The following CWF19L2 variants were observed in gnomAD, a reference collection of about 807,000 sequenced individuals.
CWF19L2 encodes the protein CWF19 like cell cycle control factor 2, also known as CWF19-like protein 2.
A neutral mutation model predicts 111.7 loss-of-function variants in CWF19L2; 98 were observed. The ratio of observed to expected loss-of-function variants is 0.88; its 90% CI spans 0.75 to 1.04. The LOEUF is 1.04. Among genes scored for constraint, CWF19L2 ranks in the 50% least tolerant of loss-of-function variants. The pLI, the probability that CWF19L2 is intolerant of heterozygous loss-of-function variation, is 0.00. For synonymous variants in CWF19L2, 351 were observed against 342.9 expected, an observed-to-expected ratio of 1.02 and a Z score of -0.26; for missense variants, 1,101 against 1,051.4, an observed-to-expected ratio of 1.05 and a Z score of -0.65.
intron 10 of CWF19L2, among the ~76,000 whole-genome samples, chr11:107,405,185 G>C (rs1861059853): frequency 6.6e-6 from 1 of 152,118 alleles, no homozygotes. Context: ...CCATAAATAA[G>C]GTTTTATTGG....
intron 17 of CWF19L2, 141 bp from the exon 18 acceptor site, chr11:107,327,194 T>C (rs1859774581): frequency 1.2e-6 from 1 of 864,526 alleles, no homozygotes. Context: ...TAGTTGAAGT[T>C]AAAAAAATAT....
chr11:107,397,510 C>T (rs183105604), intron 10 of CWF19L2, among the ~76,000 whole-genome samples: 6 of 152,100 alleles, frequency 3.9e-5, no homozygotes, highest in African/African-American at 1.4e-4. Context: ...GCAGCCCCAG[C>T]AAGACGCGCC....
chr11:107,412,085 C>A (rs965850384), intron 10 of CWF19L2, among the ~76,000 whole-genome samples: 1 of 151,970 alleles, frequency 6.6e-6, no homozygotes, highest in African/African-American at 2.4e-5. Context: ...CCAACCAAAT[C>A]AAAGGGAAAA....
chr11:107,457,769 C>G lies in CWF19L2; in HGVS notation c.48G>C (p.Lys16Asn). Reference protein sequence around the residue: ...AAASGRFESAKSIEERKEQTR... With the variant: ...AAASGRFESANSIEERKEQTR... ...TCTGTTCTTTCCGCTCTTCGATACT[C>G]TTCGCACTTTCAAATCTACCACTAG... Residue 16 changes from lysine (K) to asparagine (N), a missense_variant, in exon 1 of 18, where the codon AAG (lysine) becomes AAC (asparagine). Physicochemically the swap from Lys to Asn is moderately conservative, Grantham distance 94. Coordinates refer to ENST00000282251, the MANE Select transcript of CWF19L2 (RefSeq NM_152434.3). The G allele has an allele frequency of 6.4e-7, 1 of 1,551,806 alleles. No individual in the cohort carries two copies. Among genetic ancestry groups the G allele is most frequent in the Non-Finnish European group, 8.7e-7 (1 of 1,147,014 alleles).
At chr11:107,339,665 CTTTT>C (rs34093897) in intron 14 of CWF19L2, among the ~76,000 whole-genome samples, 1,786 of 129,930 alleles carry the variant, frequency 0.014, 29 homozygotes, top group African/African-American at 0.048. Flanking sequence ...TTGTTTATCC[CTTTT>C]TTTTTTTTTT....
intron 10 of CWF19L2, chr11:107,403,446 C>A: frequency 3.8e-6 from 3 of 792,102 alleles, no homozygotes; most frequent in Non-Finnish European, 6.8e-6. Context: ...GGTGGCTCTT[C>A]CACTGTTGTG....
rs1565292324 is a variant in CWF19L2 at position 107,454,488 on chromosome 11, T to G, written c.301A>C (p.Lys101Gln). 1 of 1,473,210 alleles carries G rather than the reference T, an allele frequency of 6.8e-7. No individual in the cohort carries two copies. The highest frequency in any genetic ancestry group is 8.9e-7 in the Non-Finnish European group (1 of 1,117,654). 91.3% of individuals were successfully genotyped at this position (1,473,210 alleles called of 1,614,324 possible). Residue 101 changes from lysine to glutamine, a missense_variant, in exon 3 of 18, where the codon AAA (lysine) becomes CAA (glutamine). Coordinates refer to ENST00000282251, the MANE Select transcript of CWF19L2 (RefSeq NM_152434.3). ...KEKKKKSKKQKYEKNNESSDS... is the reference protein window; with the variant it reads ...KEKKKKSKKQQYEKNNESSDS... ...GATGACTCATTGTTTTTTTCATATT[T>G]CTGTTTCTTGCTCTTTTTTTTCTTT... is the stretch of plus-strand genomic sequence containing the variant.
chr11:107,331,201 T>TA (rs1472255884), intron 16 of CWF19L2, among the ~76,000 whole-genome samples: 4 of 152,140 alleles, frequency 2.6e-5, no homozygotes, highest in Admixed American at 2.6e-4. Context: ...GTAAAGGAGA[T>TA]AGACAAGGCT....
intron 10 of CWF19L2, among the ~76,000 whole-genome samples, chr11:107,397,122 T>C (rs1335159551): frequency 6.6e-6 from 1 of 152,088 alleles, no homozygotes. Context: ...AGGAATTATC[T>C]AGCGGAACTT....
intron 14 of CWF19L2, among the ~76,000 whole-genome samples, chr11:107,348,132 G>A (rs1275307366): frequency 6.6e-6 from 1 of 151,978 alleles, no homozygotes; most frequent in Non-Finnish European, 1.5e-5. Flanking sequence ...AAATTACAAG[G>A]TATACAAGAC....
rs924351028 is a variant in CWF19L2, at chr11:107,429,376, G to A, written c.856C>T (p.Arg286Trp). 1.8e-5 allele frequency: 29 copies of A among 1,591,434 alleles called. No individual in the cohort carries two copies. Among genetic ancestry groups the A allele is most frequent in the Middle Eastern group, 3.3e-4 (2 of 6,044 alleles). ...ASTKEDYRRE[R>W]WRKPTYSDKA... ...TCTGAATATGTGGGTTTCCTCCACC[G>A]TTCCCGTCTATAATCTTCTTTCGTG... The change falls in exon 8 of 18, where the codon CGG becomes TGG. Residue 286 changes from arginine (R) to tryptophan (W), a missense_variant. Physicochemically the swap from Arg to Trp is moderately radical, Grantham distance 101. Coordinates refer to ENST00000282251, the MANE Select transcript of CWF19L2 (RefSeq NM_152434.3).
Position 107,457,768 on chromosome 11 carries a change from T to G in CWF19L2, c.49A>C (p.Ser17Arg). 1 of 1,551,782 alleles carries G rather than the reference T, an allele frequency of 6.4e-7. No individual in the cohort carries two copies. Among genetic ancestry groups the G allele is most frequent in the Non-Finnish European group, 8.7e-7 (1 of 1,147,018 alleles). ...GTCTGTTCTTTCCGCTCTTCGATAC[T>G]CTTCGCACTTTCAAATCTACCACTA... ...AASGRFESAK[S>R]IEERKEQTRN... The change falls in exon 1 of 18, where the codon AGT (serine) becomes CGT (arginine). Residue 17 changes from serine to arginine, a missense_variant. Physicochemically the swap from Ser to Arg is moderately radical, Grantham distance 110. Transcript: ENST00000282251.
At chr11:107,401,768 T>A (rs1184789258) in intron 10 of CWF19L2, among the ~76,000 whole-genome samples, 1 of 152,156 alleles carries the variant, frequency 6.6e-6, no homozygotes, top group Non-Finnish European at 1.5e-5. Flanking sequence ...ATGGCCCACA[T>A]AGCCAAAGCA....
intron 12 of CWF19L2, among the ~76,000 whole-genome samples, chr11:107,372,259 C>G (rs1284733348): frequency 7.4e-6 from 1 of 134,636 alleles, no homozygotes. Context: ...GAGATGCTAA[C>G]AGAGGGAGTA....
chr11:107,380,482 A>G (rs1357891744), intron 12 of CWF19L2, among the ~76,000 whole-genome samples: 1 of 152,188 alleles, frequency 6.6e-6, no homozygotes, highest in Non-Finnish European at 1.5e-5. Flanking sequence ...ATAAAATCTC[A>G]CCAGGGTCAA....
intron 13 of CWF19L2, among the ~76,000 whole-genome samples, chr11:107,350,810 T>G (rs1469127231): frequency 6.6e-6 from 1 of 152,062 alleles, no homozygotes; most frequent in East Asian, 1.9e-4. Context: ...TAAAGTTACC[T>G]TCTAGGGTAA....
chr11:107,358,831 C>T (rs1447924057), intron 12 of CWF19L2, among the ~76,000 whole-genome samples: 1 of 152,180 alleles, frequency 6.6e-6, no homozygotes, highest in East Asian at 1.9e-4. Flanking sequence ...CCTTAGGGAC[C>T]TCTGAACCTG....
chr11:107,363,182 C>A (rs935822956), intron 12 of CWF19L2, among the ~76,000 whole-genome samples: 8 of 151,914 alleles, frequency 5.3e-5, no homozygotes, highest in Non-Finnish European at 1.2e-4. Context: ...GTGAAAAGAC[C>A]AAATCTACGT....
chr11:107,446,870 G>C (rs1341367017), intron 3 of CWF19L2, among the ~76,000 whole-genome samples: 1 of 152,092 alleles, frequency 6.6e-6, no homozygotes, highest in Non-Finnish European at 1.5e-5. Flanking sequence ...CAGTTCTCTT[G>C]CTAATTTTAG....
Sources: gnomAD v4.1 joint callset for allele counts (sites outside exome capture counted in the v4.1 genomes callset) on GRCh38, gnomAD v4.1.1 for gene constraint, MANE v1.5 for transcripts, NCBI Gene and HGNC (gene_info 2026-07-23, HGNC 2026-07-21) for gene names.